ZBTB8B: variants seen among roughly 807,000 people sequenced by gnomAD.
ZBTB8B encodes the protein zinc finger and BTB domain containing 8B.
A neutral mutation model predicts 30.3 loss-of-function variants in ZBTB8B; 17 were observed. The ratio of observed to expected loss-of-function variants is 0.56; its 90% confidence interval spans 0.38 to 0.84. The LOEUF is 0.84. Ranked by LOEUF, ZBTB8B falls within the 40% of genes least tolerant of loss-of-function variation. The pLI is 0.00. For synonymous variants in ZBTB8B, 248 were observed against 255.6 expected (o/e 0.97, Z 0.28); for missense variants, 515 against 644.9 (o/e 0.80, Z 2.18).
At chr1:32,472,605 T>TTTGA (rs140028395) in intron 2 of ZBTB8B, among the ~76,000 whole-genome samples, 14,899 of 151,820 alleles carry the variant, frequency 0.098, 959 homozygotes, top group East Asian at 0.25. Flanking sequence ...CTTGAGACTA[T>TTTGA]TTGATTGATT....
At chr1:32,480,584 G>A (rs1489061809) in intron 2 of ZBTB8B, among the ~76,000 whole-genome samples, 4 of 152,210 alleles carry the variant, frequency 2.6e-5, no homozygotes, top group Admixed American at 2.6e-4. Context: ...ATCCACATAA[G>A]GCACGTGTGT....
At chr1:32,481,113 A>T (rs1395973535) in intron 3 of ZBTB8B, 44 bp downstream of exon 3, 1 of 1,491,166 alleles carries the variant, frequency 6.7e-7, no homozygotes, top group South Asian at 1.4e-5. Flanking sequence ...AGAGCTATTC[A>T]TGATATCATC....
intron 3 of ZBTB8B, among the ~76,000 whole-genome samples, chr1:32,482,669 CAAA>C (rs1050028688): frequency 7.5e-5 from 3 of 40,080 alleles, no homozygotes; most frequent in Non-Finnish European, 9.9e-5. Flanking sequence ...GACTCCGTGT[CAAA>C]AAAAAAAAAA....
At position 32,465,997 on chromosome 1, in the gene ZBTB8B, G is replaced by A. The variant is rs1643567470; in HGVS notation, c.-42+892G>A. On this transcript the variant is annotated intron_variant, in intron 1 of 3. Transcript: ENST00000609129. The surrounding 1 kb of genome is among the most constrained non-coding windows in gnomAD (Gnocchi z 4.1). Reference sequence around the variant, plus strand: ...AGGAGTTCCAGGCTGCATTGAGGTAGGATCGTGCACTCCAACCTGGGCAAC... The same window carrying A: ...AGGAGTTCCAGGCTGCATTGAGGTAAGATCGTGCACTCCAACCTGGGCAAC... Among the ~76,000 whole-genome samples the A allele has an allele frequency of 6.6e-6, 1 of 152,096 alleles. No homozygotes were observed. The highest frequency in any genetic ancestry group is 2.1e-4 in the South Asian group (1 of 4,830).
rs550931449 is a variant in ZBTB8B at position 32,465,323 on chromosome 1, C to G, written c.-42+218C>G. On this transcript the variant is annotated intron_variant, in intron 1 of 3. Transcript: ENST00000609129. The surrounding 1 kb of genome is among the most constrained non-coding windows in gnomAD (Gnocchi z 4.1). ...AGGCGCGGCCGTGGGGCCCCAGCTT[C>G]CCTGTCATTGGGTGTCCTCCGCGTC... Among the ~76,000 whole-genome samples the G allele has an allele frequency of 2.1e-4, 32 of 152,378 alleles. 2 individuals carry two copies. In the South Asian group the frequency reaches 6.6e-3, roughly 32 times the overall value.
intron 2 of ZBTB8B, among the ~76,000 whole-genome samples, chr1:32,472,936 G>A (rs1291126703): frequency 6.6e-6 from 1 of 152,196 alleles, no homozygotes; most frequent in Non-Finnish European, 1.5e-5. Flanking sequence ...CTATTTTAGA[G>A]CCAGTATTTG....
At position 32,468,009 on chromosome 1, in the gene ZBTB8B, G is replaced by A. The variant is rs146184049; in HGVS notation, c.-41-2575G>A. ...TGGGTACCTGTAGTCCCAGCTACTC[G>A]GGAGGCTGAGGTAGGATGATTACTT... On this transcript the variant is annotated intron_variant, in intron 1 of 3. Transcript: ENST00000609129. Among the ~76,000 whole-genome samples the A allele has an allele frequency of 1.2e-4, 18 of 152,052 alleles. No homozygotes were observed. In the East Asian group the frequency reaches 2.5e-3, roughly 21 times the overall value.
rs1348524623 is a variant in ZBTB8B at position 32,489,796 on chromosome 1, T to G, written c.*4378T>G. The G allele has an allele frequency of 6.6e-6, 1 of 152,204 alleles. No homozygotes were observed. Among genetic ancestry groups the G allele is most frequent in the African/African-American group, 2.4e-5 (1 of 41,452 alleles). The allele number at this position is 152,204 out of a possible 1,614,324, so 9.4% of individuals were successfully genotyped here. On this transcript the variant is annotated 3_prime_UTR_variant, in exon 4 of 4. Transcript: ENST00000609129. ...CCCCTTCTCAAAAGTTGAGAAGGAA[T>G]GTAAATAGGGCCTTACCTATAATAA...
Position 32,471,057 on chromosome 1 carries a change from G to T in ZBTB8B, c.433G>T (p.Ala145Ser). The T allele has an allele frequency of 6.5e-7, 1 of 1,544,654 alleles. No individual in the cohort carries two copies. The highest frequency in any genetic ancestry group is 8.7e-7 in the Non-Finnish European group (1 of 1,145,482). The change falls in exon 2 of 4, where the codon GCT becomes TCT. Residue 145 changes from alanine (A) to serine (S), a missense_variant. This residue lies in a region of ZBTB8B where 429 missense variants were observed against 504.3 expected (regional missense o/e 0.85). Coordinates refer to ENST00000609129, the MANE Select transcript of ZBTB8B (RefSeq NM_001145720.2). ...AGCAGTGGCGGCGGCAGCGGCGGCG[G>T]CTGCAGCGGCGGCAGCAGCGGCGGC... Reference protein sequence around the residue: ...AAAVAAAAAAAAAAAAAAAHQ... With the variant: ...AAAVAAAAAASAAAAAAAAHQ...
At chr1:32,481,792 C>T (rs1643707342) in intron 3 of ZBTB8B, among the ~76,000 whole-genome samples, 1 of 152,044 alleles carries the variant, frequency 6.6e-6, no homozygotes, top group South Asian at 2.1e-4. Context: ...CAGTGTCTGC[C>T]GTTTCCTTCT....
chr1:32,491,564 T>A lies in ZBTB8B; in HGVS notation c.*6146T>A, dbSNP rs942858488. 1 of 152,206 alleles carries A rather than the reference T, an allele frequency of 6.6e-6. No homozygotes were observed. The highest frequency in any genetic ancestry group is 2.4e-5 in the African/African-American group (1 of 41,446). The allele number at this position is 152,206 out of a possible 1,614,324, so 9.4% of individuals were successfully genotyped here. On this transcript the variant is annotated 3_prime_UTR_variant, in exon 4 of 4. Coordinates refer to ENST00000609129, the MANE Select transcript of ZBTB8B (RefSeq NM_001145720.2). ...CATAGTGCAGGTGCAAGGAGACAGATCTACATGGGGCAAGTATGGAAGCTT... is the reference window on the plus strand; with the variant it reads ...CATAGTGCAGGTGCAAGGAGACAGAACTACATGGGGCAAGTATGGAAGCTT...
rs972222765 is a variant in ZBTB8B at position 32,484,651 on chromosome 1, T to C, written c.1171-450T>C. Among the ~76,000 whole-genome samples, 3 of 152,154 alleles carry C rather than the reference T, an allele frequency of 2.0e-5. No individual in the cohort carries two copies. Among genetic ancestry groups the C allele is most frequent in the Admixed American group, 2.0e-4 (3 of 15,270 alleles). ...GTGGTTGCATCATGGGGGCAGTTTCTCATGGTTTAACGCCATCCCTACTTG... is the reference window on the plus strand; with the variant it reads ...GTGGTTGCATCATGGGGGCAGTTTCCCATGGTTTAACGCCATCCCTACTTG... On this transcript the variant is annotated intron_variant, in intron 3 of 3. Coordinates refer to ENST00000609129, the MANE Select transcript of ZBTB8B (RefSeq NM_001145720.2). The surrounding 1 kb of genome is among the most constrained non-coding windows in gnomAD (Gnocchi z 4.5).
chr1:32,473,964 C>G (rs1002284039), intron 2 of ZBTB8B, among the ~76,000 whole-genome samples: 1 of 152,046 alleles, frequency 6.6e-6, no homozygotes, highest in African/African-American at 2.4e-5. Context: ...GAGTCTCCTG[C>G]CTCAGCCTCC....
At chr1:32,483,060 T>A (rs913498522) in intron 3 of ZBTB8B, among the ~76,000 whole-genome samples, 11 of 151,556 alleles carry the variant, frequency 7.3e-5, no homozygotes, top group African/African-American at 2.7e-4. Context: ...ACAGAGCCCC[T>A]ATCGGCTGGA....
chr1:32,489,418 C>T lies in ZBTB8B; in HGVS notation c.*4000C>T, dbSNP rs1483058561. The stretch of plus-strand genomic sequence containing the variant: ...GGACTATTTGGAGTTTGTGTATAGG[C>T]ACTGGCAATAACTGGATCACTGAGT... On this transcript the variant is annotated 3_prime_UTR_variant, in exon 4 of 4. Coordinates refer to ENST00000609129, the MANE Select transcript of ZBTB8B (RefSeq NM_001145720.2). The T allele has an allele frequency of 6.6e-6, 1 of 152,206 alleles. No homozygotes were observed. The highest frequency in any genetic ancestry group is 1.5e-5 in the Non-Finnish European group (1 of 68,036). 9.4% of individuals were successfully genotyped at this position (152,206 alleles called of 1,614,324 possible). A position where few individuals can be genotyped will look rare whatever the true frequency, so the allele number is the denominator to read the frequency against.
rs1373173878 is a variant in ZBTB8B at position 32,484,318 on chromosome 1, T to A, written c.1171-783T>A. ...GGGACAGACTCTGTCCCTGCCCTCT[T>A]AGAGCTTCCACTCTAGTGACTTTTA... On this transcript the variant is annotated intron_variant, in intron 3 of 3. Transcript: ENST00000609129. The surrounding 1 kb of genome is among the most constrained non-coding windows in gnomAD (Gnocchi z 4.5). Among the ~76,000 whole-genome samples, 1 of 152,190 alleles carries A rather than the reference T, an allele frequency of 6.6e-6. No homozygotes were observed. Among genetic ancestry groups the A allele is most frequent in the African/African-American group, 2.4e-5 (1 of 41,452 alleles).
rs941200869 is a variant in ZBTB8B, at chr1:32,489,557, G to T, written c.*4139G>T. ...GTGTCTTTGAGGTTTAATTTGTGGG[G>T]TTGGTGGTATTTTTATACTAAGTAA... is the stretch of plus-strand genomic sequence containing the variant. On this transcript the variant is annotated 3_prime_UTR_variant, in exon 4 of 4. Coordinates refer to ENST00000609129, the MANE Select transcript of ZBTB8B (RefSeq NM_001145720.2). 1.3e-5 allele frequency: 2 copies of T among 152,290 alleles called. No individual in the cohort carries two copies. The highest frequency in any genetic ancestry group is 4.8e-5 in the African/African-American group (2 of 41,560). 9.4% of individuals were successfully genotyped at this position (152,290 alleles called of 1,614,324 possible).
chr1:32,485,165 C>A lies in ZBTB8B; in HGVS notation c.1235C>A (p.Ser412Tyr), dbSNP rs1197726236. ...AGGAGAACATTCACGAGTCACCTGT[C>A]CCAGGGGCTGCGGCGCTTCGGGCTG... ...GCRRTFTSHL[S>Y]QGLRRFGLCD... is the part of the protein sequence containing the mutation. The change falls in exon 4 of 4, where the codon TCC becomes TAC. Residue 412 changes from serine to tyrosine, a missense_variant. Coordinates refer to ENST00000609129, the MANE Select transcript of ZBTB8B (RefSeq NM_001145720.2). The A allele has an allele frequency of 3.0e-5, 46 of 1,551,936 alleles. No individual in the cohort carries two copies. The highest frequency in any genetic ancestry group is 3.9e-5 in the Non-Finnish European group (45 of 1,147,088).
chr1:32,478,343 C>T (rs1242229731), intron 2 of ZBTB8B, among the ~76,000 whole-genome samples: 1 of 151,956 alleles, frequency 6.6e-6, no homozygotes, highest in Non-Finnish European at 1.5e-5. Flanking sequence ...GAAATCCTGT[C>T]TCTACTAAAA....
Sources: gnomAD v4.1 joint callset for allele counts (sites outside exome capture counted in the v4.1 genomes callset) on GRCh38, gnomAD v4.1.1 for gene constraint, gnomAD v4.1.1 regional missense constraint, Gnocchi (gnomAD v3.1) non-coding constraint, MANE v1.5 for transcripts, NCBI Gene and HGNC (gene_info 2026-07-23, HGNC 2026-07-21) for gene names.